The following MRPL13 variants were observed in gnomAD, a reference collection of about 807,000 sequenced individuals.
MRPL13 encodes the protein mitochondrial ribosomal protein L13.
Under a neutral mutation model 29.0 loss-of-function variants are expected in MRPL13, and 33 were observed. That is an observed-to-expected ratio of 1.14 (90% CI 0.86 to 1.52). MRPL13 has a LOEUF of 1.52. MRPL13 is among the 40% of genes most tolerant of loss of function. The pLI, the probability that MRPL13 is intolerant of heterozygous loss-of-function variation, is 0.00. For missense variants in MRPL13, 227 were observed against 216.7 expected (o/e 1.05, Z -0.30); for synonymous variants, 77 against 68.4 (o/e 1.13, Z -0.62).
At chr8:120,428,659 T>C (rs1013383159) in intron 3 of MRPL13, among the ~76,000 whole-genome samples, 3 of 151,570 alleles carry the variant, frequency 2.0e-5, no homozygotes, top group Non-Finnish European at 4.4e-5. Flanking sequence ...CAAACCCCAT[T>C]AAAAAGTGGG....
intron 2 of MRPL13, among the ~76,000 whole-genome samples, chr8:120,442,406 A>G (rs1208534364): frequency 6.6e-6 from 1 of 151,978 alleles, no homozygotes; most frequent in African/African-American, 2.4e-5. Context: ...CATAATGCCA[A>G]AAAAATTGGA....
At chr8:120,406,137 T>C (rs1483372734) in intron 6 of MRPL13, among the ~76,000 whole-genome samples, 2 of 152,232 alleles carry the variant, frequency 1.3e-5, no homozygotes, top group African/African-American at 4.8e-5. Context: ...ATGCCATTTC[T>C]GAAAGCTAAC....
At chr8:120,435,492 G>A (rs568532520) in intron 2 of MRPL13, among the ~76,000 whole-genome samples, 2 of 152,146 alleles carry the variant, frequency 1.3e-5, no homozygotes, top group Admixed American at 1.3e-4. Context: ...AGTTTACTTA[G>A]GATTATGGCC....
intron 2 of MRPL13, among the ~76,000 whole-genome samples, chr8:120,433,721 T>G (rs1284438237): frequency 6.6e-6 from 1 of 152,102 alleles, no homozygotes; most frequent in Admixed American, 6.6e-5. Context: ...AAACAAAAAC[T>G]AACCAGCAAT....
chr8:120,396,188 G>C, intron 6 of MRPL13, 63 bp from the exon 7 acceptor site: 1 of 1,231,874 alleles, frequency 8.1e-7, no homozygotes, highest in Non-Finnish European at 1.1e-6. Context: ...TGACTGATGA[G>C]GATTATTTTT....
In MRPL13 at chr8:120,417,909, T is replaced by C. The variant is rs1010842545; in HGVS notation, c.393+1943A>G. On this transcript the variant is annotated intron_variant, in intron 5 of 6. Coordinates refer to ENST00000306185, the MANE Select transcript of MRPL13 (RefSeq NM_014078.6). ...AGATTTGGGAACTAGTTGTGCTCAC[T>C]TCTACTGTTGCTGTCATTTTATTTT... 7.2e-5 allele frequency among the ~76,000 whole-genome samples: 11 copies of C among 152,266 alleles called. No individual in the cohort carries two copies. The East Asian group carries it at 1.9e-3, about 27-fold the overall frequency.
intron 6 of MRPL13, among the ~76,000 whole-genome samples, chr8:120,405,487 T>C (rs748006965): frequency 8.5e-5 from 13 of 152,236 alleles, no homozygotes; most frequent in South Asian, 6.2e-4. Context: ...TCCCACTTGA[T>C]GCATTGCTGG....
At chr8:120,396,480 T>A (rs185492996) in intron 6 of MRPL13, among the ~76,000 whole-genome samples, 1 of 152,280 alleles carries the variant, frequency 6.6e-6, no homozygotes, top group East Asian at 1.9e-4. Context: ...TTAAAAATCA[T>A]ACGAAGACAT....
Position 120,432,025 on chromosome 8 carries a change from C to T in MRPL13, c.245+5G>A. ...CTAATTTCCCTGACAACAGCATTATCTTACCCAGTATGCGAAGAGTATACT... is the reference window on the plus strand; with the variant it reads ...CTAATTTCCCTGACAACAGCATTATTTTACCCAGTATGCGAAGAGTATACT... On this transcript the variant is annotated splice_donor_5th_base_variant and intron_variant, in intron 3 of 6. Transcript: ENST00000306185. 1 of 1,586,990 alleles carries T rather than the reference C, an allele frequency of 6.3e-7. No homozygotes were observed. Among genetic ancestry groups the T allele is most frequent in the Non-Finnish European group, 8.6e-7 (1 of 1,163,828 alleles).
In MRPL13 at chr8:120,399,459, A is replaced by C. The variant is rs187596769; in HGVS notation, c.516-3334T>G. ...CAAACAAATACTGAGGGAATTCGTCACCACCAGGCCTGCCTTGCAAGAGCT... is the reference window on the plus strand; with the variant it reads ...CAAACAAATACTGAGGGAATTCGTCCCCACCAGGCCTGCCTTGCAAGAGCT... On this transcript the variant is annotated intron_variant, in intron 6 of 6. Transcript: ENST00000306185. 5.1e-4 allele frequency among the ~76,000 whole-genome samples: 78 copies of C among 152,314 alleles called. No homozygotes were observed. The East Asian group carries it at 0.015, about 29-fold the overall frequency.
At chr8:120,416,861 G>A (rs1812809324) in intron 5 of MRPL13, among the ~76,000 whole-genome samples, 1 of 152,040 alleles carries the variant, frequency 6.6e-6, no homozygotes, top group South Asian at 2.1e-4. Context: ...TTTATGTTCA[G>A]GAAAATTAAC....
At chr8:120,415,655 T>C (rs1812795144) in intron 5 of MRPL13, 1 of 152,170 alleles carries the variant, frequency 6.6e-6, no homozygotes. Flanking sequence ...ATACTCTTGA[T>C]AATGTGCTTC....
At chr8:120,434,312 G>A (rs1298817879) in intron 2 of MRPL13, among the ~76,000 whole-genome samples, 2 of 152,070 alleles carry the variant, frequency 1.3e-5, no homozygotes, top group African/African-American at 4.8e-5. Flanking sequence ...GCAAAGCACT[G>A]AGCTAGGCAT....
At chr8:120,443,590 A>G (rs1813155776) in intron 1 of MRPL13, among the ~76,000 whole-genome samples, 1 of 151,832 alleles carries the variant, frequency 6.6e-6, no homozygotes, top group South Asian at 2.1e-4. Flanking sequence ...TAAATATCCC[A>G]AAGATATATT....
chr8:120,419,691 TATC>T, intron 5 of MRPL13, 158 bp downstream of exon 5: 1 of 416,790 alleles, frequency 2.4e-6, no homozygotes, highest in Non-Finnish European at 4.2e-6. Context: ...TTAATAGAAT[TATC>T]ATTTTTTATA....
At chr8:120,436,828 AAAC>A (rs1194941484) in intron 2 of MRPL13, among the ~76,000 whole-genome samples, 1 of 152,202 alleles carries the variant, frequency 6.6e-6, no homozygotes, top group Non-Finnish European at 1.5e-5. Flanking sequence ...AATTAGTGAT[AAAC>A]AACAAAGTTT....
intron 3 of MRPL13, among the ~76,000 whole-genome samples, chr8:120,428,439 G>T (rs990383996): frequency 2.6e-5 from 4 of 152,146 alleles, no homozygotes; most frequent in Non-Finnish European, 5.9e-5. Flanking sequence ...CATGGGCAAA[G>T]ATTTCATGAC....
chr8:120,399,666 C>T (rs1055073192), intron 6 of MRPL13, among the ~76,000 whole-genome samples: 5 of 152,028 alleles, frequency 3.3e-5, no homozygotes, highest in Non-Finnish European at 5.9e-5. Flanking sequence ...TGTAAATAGG[C>T]TAAATGACCC....
intron 5 of MRPL13, among the ~76,000 whole-genome samples, chr8:120,417,089 G>A (rs556766372): frequency 1.3e-5 from 2 of 152,226 alleles, no homozygotes; most frequent in East Asian, 3.9e-4. Flanking sequence ...CAGTTATGTT[G>A]CAGAATTTCC....
Sources: allele counts gnomAD v4.1 joint callset (sites outside exome capture counted in the v4.1 genomes callset), GRCh38; gene constraint gnomAD v4.1.1; transcripts MANE v1.5; gene names NCBI Gene and HGNC (gene_info 2026-07-23, HGNC 2026-07-21).